The following RALYL variants were observed in gnomAD, a reference collection of about 807,000 sequenced individuals.
The protein encoded by RALYL is RNA-binding Raly-like protein.
Under a neutral mutation model 35.1 loss-of-function variants are expected in RALYL, and 29 were observed. That is an observed-to-expected ratio of 0.83 (90% confidence interval 0.61 to 1.13). RALYL has a LOEUF of 1.13. Among genes scored for constraint, RALYL ranks in the 50% most tolerant of loss-of-function variants. The pLI is 0.00. For missense variants in RALYL, 359 were observed against 360.4 expected (o/e 1.00, Z 0.03); for synonymous variants, 120 against 127.6 (o/e 0.94, Z 0.40).
intron 2 of RALYL, among the ~76,000 whole-genome samples, chr8:84,705,170 G>A (rs2132379615): frequency 6.6e-6 from 1 of 152,302 alleles, no homozygotes; most frequent in East Asian, 1.9e-4. Context: ...TCTCAGAAAA[G>A]GACAGTACAA....
chr8:84,336,701 C>A (rs150498659), intron 1 of RALYL, among the ~76,000 whole-genome samples: 5 of 151,972 alleles, frequency 3.3e-5, no homozygotes, highest in African/African-American at 4.8e-5. Context: ...AAGAAACAAG[C>A]CTTATTTCCT....
rs141153786 is a variant in RALYL at position 84,741,233 on chromosome 8, C to T, written c.257-33346C>T. Among the ~76,000 whole-genome samples, 176 of 152,078 alleles carry T rather than the reference C, an allele frequency of 1.2e-3. 1 individual carries two copies. The highest frequency in any genetic ancestry group is 4.1e-3 in the African/African-American group (170 of 41,510). ...TAGATGAAAAGGAAGATGATGACCA[C>T]AGTGTTGGCCTCTCTGAGGCACTGC... On this transcript the variant is annotated intron_variant, in intron 2 of 8. Coordinates refer to ENST00000521268, the MANE Select transcript of RALYL (RefSeq NM_173848.7).
At position 84,501,219 on chromosome 8, in the gene RALYL, A is replaced by G. The variant is rs116972240; in HGVS notation, c.-23-28080A>G. ...TGTTAATTTTCTGAAACTCTTTAAG[A>G]AAGTGCAGCTATGTAAATTGTGTGT... On this transcript the variant is annotated intron_variant, in intron 1 of 8. Coordinates refer to ENST00000521268, the MANE Select transcript of RALYL (RefSeq NM_173848.7). Among the ~76,000 whole-genome samples, 143 of 152,306 alleles carry G rather than the reference A, an allele frequency of 9.4e-4. 1 individual carries two copies. In the East Asian group the frequency reaches 0.022, roughly 24 times the overall value.
chr8:84,388,904 T>G (rs1291074607), intron 1 of RALYL, among the ~76,000 whole-genome samples: 5 of 152,192 alleles, frequency 3.3e-5, no homozygotes, highest in Non-Finnish European at 5.9e-5. Context: ...GTTTTAGACA[T>G]GAAGTCCTTG....
intron 3 of RALYL, among the ~76,000 whole-genome samples, chr8:84,799,455 G>T (rs1207541446): frequency 3.3e-5 from 5 of 152,190 alleles, no homozygotes; most frequent in African/African-American, 1.2e-4. Flanking sequence ...GAGATTAATG[G>T]ATCATATAAA....
chr8:84,504,285 A>G (rs893557253), intron 1 of RALYL, among the ~76,000 whole-genome samples: 2 of 152,172 alleles, frequency 1.3e-5, no homozygotes, highest in Admixed American at 6.6e-5. Context: ...CATTTCACCA[A>G]TCAGATTGAT....
chr8:84,611,702 T>C (rs1030252188), intron 2 of RALYL, among the ~76,000 whole-genome samples: 1 of 152,160 alleles, frequency 6.6e-6, no homozygotes, highest in African/African-American at 2.4e-5. Flanking sequence ...AAATATATGG[T>C]CGTACATCAT....
At chr8:84,478,400 T>G (rs142039021) in intron 1 of RALYL, among the ~76,000 whole-genome samples, 2 of 152,270 alleles carry the variant, frequency 1.3e-5, no homozygotes, top group East Asian at 3.9e-4. Context: ...AGGCAGCAAT[T>G]GAGCTGAATA....
At chr8:84,838,705 A>G (rs183340679) in intron 4 of RALYL, among the ~76,000 whole-genome samples, 132 of 152,362 alleles carry the variant, frequency 8.7e-4, no homozygotes, top group Non-Finnish European at 1.2e-3. Flanking sequence ...AACAAAAAAA[A>G]GCAGGTTGGA....
chr8:84,854,685 G>A (rs1410717919), intron 5 of RALYL, among the ~76,000 whole-genome samples: 21 of 152,118 alleles, frequency 1.4e-4, no homozygotes, highest in South Asian at 2.1e-4. Flanking sequence ...TCGTTAAGTC[G>A]GTATTAAAGA....
chr8:84,775,612 C>T (rs959132311), intron 3 of RALYL, among the ~76,000 whole-genome samples: 1 of 152,182 alleles, frequency 6.6e-6, no homozygotes, highest in Non-Finnish European at 1.5e-5. Context: ...GGGTCTGAGT[C>T]ACTTAACACT....
chr8:84,699,024 AGATAG>A (rs1353793290), intron 2 of RALYL, among the ~76,000 whole-genome samples: 2 of 151,560 alleles, frequency 1.3e-5, no homozygotes, highest in African/African-American at 4.8e-5. Context: ...ATAGATAGAT[AGATAG>A]ATAGATAGAT....
intron 6 of RALYL, among the ~76,000 whole-genome samples, chr8:84,867,506 C>A (rs1439296205): frequency 6.6e-6 from 1 of 152,102 alleles, no homozygotes; most frequent in East Asian, 1.9e-4. Flanking sequence ...TGCTACAGTT[C>A]AGAGAAAATT....
At chr8:84,423,633 TC>T in intron 1 of RALYL, among the ~76,000 whole-genome samples, 1 of 152,214 alleles carries the variant, frequency 6.6e-6, no homozygotes, top group South Asian at 2.1e-4. Flanking sequence ...TGATGCAGTT[TC>T]TTCCTAGTCT....
At chr8:84,695,887 A>G (rs1268936341) in intron 2 of RALYL, among the ~76,000 whole-genome samples, 2 of 151,776 alleles carry the variant, frequency 1.3e-5, no homozygotes, top group Non-Finnish European at 3.0e-5. Flanking sequence ...AATTATTGTT[A>G]CCCATGACTC....
At chr8:84,830,378 T>TAACA (rs925092507) in intron 4 of RALYL, among the ~76,000 whole-genome samples, 3 of 150,946 alleles carry the variant, frequency 2.0e-5, no homozygotes, top group Non-Finnish European at 4.4e-5. Context: ...ATTATCGAAC[T>TAACA]AACAGAAAAA....
chr8:84,336,498 A>G (rs1847832718), intron 1 of RALYL, among the ~76,000 whole-genome samples: 1 of 152,154 alleles, frequency 6.6e-6, no homozygotes, highest in Admixed American at 6.6e-5. Flanking sequence ...TTTCTTTTGT[A>G]TCAGAGAAGG....
intron 1 of RALYL, among the ~76,000 whole-genome samples, chr8:84,412,085 A>T (rs1288809373): frequency 6.6e-6 from 1 of 151,986 alleles, no homozygotes; most frequent in Non-Finnish European, 1.5e-5. Flanking sequence ...AAAATTCATT[A>T]TTTCAGCAAA....
In RALYL at chr8:84,806,565, CAA is replaced by C. The variant is rs534568702; in HGVS notation, c.365+1777_365+1778del. On this transcript the variant is annotated intron_variant, in intron 4 of 8. Coordinates refer to ENST00000521268, the MANE Select transcript of RALYL (RefSeq NM_173848.7). ...TATTAGAACCCTGAGAAAATCTCTCCAAAAAAAAAAAAAAATACTGTATCGCT... is the reference window on the plus strand; with the variant it reads ...TATTAGAACCCTGAGAAAATCTCTCCAAAAAAAAAAAAATACTGTATCGCT... Among the ~76,000 whole-genome samples the C allele has an allele frequency of 8.9e-3, 853 of 95,680 alleles. 6 individuals are homozygous for C. The highest frequency in any genetic ancestry group is 0.027 in the African/African-American group (737 of 27,278). 62.8% of individuals were successfully genotyped at this position (95,680 alleles called of 152,430 possible). A position where few individuals can be genotyped will look rare whatever the true frequency, so the allele number is the denominator to read the frequency against.
Sources: gnomAD v4.1 joint callset for allele counts (sites outside exome capture counted in the v4.1 genomes callset) on GRCh38, gnomAD v4.1.1 for gene constraint, MANE v1.5 for transcripts, NCBI Gene and HGNC (gene_info 2026-07-23, HGNC 2026-07-21) for gene names.